Variants in TMEM114 observed in about 807,000 individuals in gnomAD.
The protein encoded by TMEM114 is transmembrane protein 114, also known as claudin-26.
A neutral mutation model predicts 6.2 loss-of-function variants in TMEM114; 6 were observed. The observed-to-expected ratio is 0.97, with a 90% CI of 0.53 to 1.91. The LOEUF (loss-of-function observed/expected upper bound fraction) is 1.91, where lower values mean the gene tolerates loss of function less well. Among genes scored for constraint, TMEM114 ranks in the 40% most tolerant of loss-of-function variants. The pLI is 0.01. For missense variants in TMEM114, 218 were observed against 158.3 expected (o/e 1.38, Z -2.02); for synonymous variants, 104 against 73.0 (o/e 1.42, Z -2.16).
At chr16:8,574,267 G>A (rs187262066) in intron 2 of TMEM114, among the ~76,000 whole-genome samples, 22 of 152,144 alleles carry the variant, frequency 1.4e-4, no homozygotes, top group Non-Finnish European at 3.2e-4. Context: ...ATTATCATGA[G>A]AATAATACTT....
chr16:8,538,918 T>A (rs1422914868), intron 2 of TMEM114, among the ~76,000 whole-genome samples: 1 of 152,238 alleles, frequency 6.6e-6, no homozygotes, highest in African/African-American at 2.4e-5. Flanking sequence ...ATATCATTTA[T>A]AATGTATCTG....
intron 2 of TMEM114, among the ~76,000 whole-genome samples, chr16:8,579,849 G>C (rs1902074992): frequency 6.6e-6 from 1 of 152,150 alleles, no homozygotes; most frequent in South Asian, 2.1e-4. Context: ...GATTACAAAA[G>C]AAGTGGACAA....
intron 2 of TMEM114, 200 bp from the exon 3 acceptor site, chr16:8,572,424 T>C (rs1201037154): frequency 1.6e-6 from 1 of 628,854 alleles, no homozygotes; most frequent in Non-Finnish European, 2.8e-6. Context: ...CAAGGCTGTG[T>C]GCTTTGTTCT....
chr16:8,556,647 A>G (rs7206225), intron 2 of TMEM114, among the ~76,000 whole-genome samples: 69,373 of 151,528 alleles, frequency 0.46, 16,507 homozygotes, highest in African/African-American at 0.57. Context: ...GATTACAGGT[A>G]CCCGCCATCA....
intron 2 of TMEM114, among the ~76,000 whole-genome samples, chr16:8,556,883 A>T (rs1300375863): frequency 6.6e-6 from 1 of 152,140 alleles, no homozygotes; most frequent in East Asian, 1.9e-4. Flanking sequence ...CTTCACATTG[A>T]TCTCAATGCT....
intron 2 of TMEM114, among the ~76,000 whole-genome samples, chr16:8,560,423 C>G (rs1452346564): frequency 6.6e-6 from 1 of 152,080 alleles, no homozygotes; most frequent in Non-Finnish European, 1.5e-5. Flanking sequence ...TGGAACTTGC[C>G]CTGGAATCTC....
chr16:8,537,402 G>C (rs1276069557), downstream of TMEM114, among the ~76,000 whole-genome samples: 1 of 152,172 alleles, frequency 6.6e-6, no homozygotes, highest in Non-Finnish European at 1.5e-5. Context: ...TTGGGAAGCT[G>C]AGGCAGAAGA....
intron 2 of TMEM114, among the ~76,000 whole-genome samples, chr16:8,544,770 T>A (rs914161916): frequency 6.6e-6 from 1 of 152,242 alleles, no homozygotes; most frequent in Admixed American, 6.5e-5. Context: ...AGTGATGCGT[T>A]TAAATTAATT....
At chr16:8,557,192 G>C (rs534176296) in intron 2 of TMEM114, among the ~76,000 whole-genome samples, 1 of 152,228 alleles carries the variant, frequency 6.6e-6, no homozygotes, top group South Asian at 2.1e-4. Context: ...TTGTGAATCA[G>C]AACAGGCTGT....
At chr16:8,588,083 C>T (rs1902370270) in intron 2 of TMEM114, among the ~76,000 whole-genome samples, 1 of 151,904 alleles carries the variant, frequency 6.6e-6, no homozygotes, top group Non-Finnish European at 1.5e-5. Flanking sequence ...GTCAGGAGTT[C>T]GAGACCAGCC....
At chr16:8,582,247 G>T (rs114856798) in intron 2 of TMEM114, among the ~76,000 whole-genome samples, 4 of 152,114 alleles carry the variant, frequency 2.6e-5, no homozygotes, top group African/African-American at 7.2e-5. Context: ...GACCAGCCTG[G>T]CCTCTCTTAT....
In TMEM114 at chr16:8,537,982, G is replaced by A. The variant is rs544197970; in HGVS notation, n.213-156C>T. On this transcript the variant is annotated intron_variant and non_coding_transcript_variant, in intron 2 of 2. Coordinates refer to the TMEM114 transcript ENST00000623677. ...AAAGGAAAGGTGTCATGGCAGGGGT[G>A]GGTGGGGGGCAATATTTAAACATTT... 1.9e-3 allele frequency among the ~76,000 whole-genome samples: 291 copies of A among 152,100 alleles called. 2 individuals carry two copies. Among genetic ancestry groups the A allele is most frequent in the African/African-American group, 6.6e-3 (273 of 41,486 alleles).
chr16:8,548,092 A>G (rs1007790085), intron 2 of TMEM114, among the ~76,000 whole-genome samples: 1 of 152,208 alleles, frequency 6.6e-6, no homozygotes, highest in African/African-American at 2.4e-5. Flanking sequence ...GGCTGCAAGC[A>G]AGACCCTCTG....
downstream of TMEM114, among the ~76,000 whole-genome samples, chr16:8,567,766 G>T (rs1396314002): frequency 6.6e-6 from 1 of 152,158 alleles, no homozygotes; most frequent in Non-Finnish European, 1.5e-5. Context: ...GTCTCTTGAC[G>T]AATTTGGGGA....
chr16:8,584,297 T>C (rs1275144251), intron 2 of TMEM114, among the ~76,000 whole-genome samples: 1 of 152,212 alleles, frequency 6.6e-6, no homozygotes, highest in Non-Finnish European at 1.5e-5. Context: ...TCCTGGCTGA[T>C]ACAGCTAGAC....
chr16:8,533,834 G>C (rs1244076545), downstream of TMEM114, among the ~76,000 whole-genome samples: 2 of 152,196 alleles, frequency 1.3e-5, no homozygotes, highest in East Asian at 1.9e-4. Flanking sequence ...TCCTGTGATT[G>C]GGAAGGTTAA....
chr16:8,563,195 G>C (rs1300102728), intron 2 of TMEM114, among the ~76,000 whole-genome samples: 10 of 151,358 alleles, frequency 6.6e-5, no homozygotes, highest in African/African-American at 2.4e-4. Flanking sequence ...ATGAGTGAAT[G>C]AATGAGTGAA....
chr16:8,546,347 G>A (rs747615111), intron 2 of TMEM114, among the ~76,000 whole-genome samples: 10 of 152,066 alleles, frequency 6.6e-5, no homozygotes, highest in African/African-American at 2.4e-4. Flanking sequence ...TATAAATGAG[G>A]AGCCAAGACT....
intron 2 of TMEM114, among the ~76,000 whole-genome samples, chr16:8,585,292 A>G (rs1465065408): frequency 6.6e-6 from 1 of 152,240 alleles, no homozygotes; most frequent in Non-Finnish European, 1.5e-5. Context: ...GGGTGGGGGC[A>G]CAGCCAAATC....
Sources: gnomAD v4.1 joint callset for allele counts (sites outside exome capture counted in the v4.1 genomes callset) on GRCh38, gnomAD v4.1.1 for gene constraint, MANE v1.5 for transcripts, NCBI Gene and HGNC (gene_info 2026-07-23, HGNC 2026-07-21) for gene names.